The following NRXN3 variants were observed in gnomAD, a reference collection of about 807,000 sequenced individuals.
NRXN3 encodes the protein neurexin 3, also known as neurexin III.
NRXN3 carries 32 observed loss-of-function variants against 137.6 expected under a neutral mutation model. That is an observed-to-expected ratio of 0.23 (90% CI 0.18 to 0.31). The LOEUF (loss-of-function observed/expected upper bound fraction) is 0.31. Among genes scored for constraint, NRXN3 ranks in the 10% least tolerant of loss-of-function variants. The probability of loss-of-function intolerance (pLI) is 1.00; values close to 1 mark genes in which losing one functional copy is unlikely to be tolerated. For synonymous variants in NRXN3, 798 were observed against 784.5 expected, an observed-to-expected ratio of 1.02 and a Z score of -0.29; for missense variants, 1,574 against 2,062.5, an observed-to-expected ratio of 0.76 and a Z score of 4.59.
At position 79,643,947 on chromosome 14, in the gene NRXN3, C is replaced by T. The variant is rs777982425; in HGVS notation, c.3445-19831C>T. Among the ~76,000 whole-genome samples the T allele has an allele frequency of 5.5e-4, 74 of 135,764 alleles. 20 individuals carry two copies. The highest frequency in any genetic ancestry group is 2.2e-4 in the Non-Finnish European group (13 of 58,450). The allele number at this position is 135,764 out of a possible 152,430, so 89.1% of individuals were successfully genotyped here. ...TATGTCTTATCTACCCAATTGTAAACTTAATGAATACCCACACTGTATCCT... is the reference window on the plus strand; with the variant it reads ...TATGTCTTATCTACCCAATTGTAAATTTAATGAATACCCACACTGTATCCT... On this transcript the variant is annotated intron_variant, in intron 16 of 20. Coordinates refer to ENST00000335750, the MANE Select transcript of NRXN3 (RefSeq NM_001330195.2).
chr14:78,692,883 C>G (rs1349914307), intron 6 of NRXN3, among the ~76,000 whole-genome samples: 1 of 149,684 alleles, frequency 6.7e-6, no homozygotes, highest in Middle Eastern at 3.5e-3. Flanking sequence ...GAGTTCAAGA[C>G]GAGCCTGGCC....
At chr14:78,618,004 CCTAT>C (rs1322750438) in intron 4 of NRXN3, among the ~76,000 whole-genome samples, 5 of 151,752 alleles carry the variant, frequency 3.3e-5, no homozygotes, top group Admixed American at 6.6e-5. Context: ...TATCCATCCA[CCTAT>C]CTATCTATTT....
intron 17 of NRXN3, among the ~76,000 whole-genome samples, chr14:79,667,881 T>C (rs1193039403): frequency 6.6e-6 from 1 of 152,026 alleles, no homozygotes; most frequent in African/African-American, 2.4e-5. Flanking sequence ...CTGACTGGGT[T>C]TGTTCCATAT....
intron 1 of NRXN3, among the ~76,000 whole-genome samples, chr14:78,229,925 C>T (rs2153435454): frequency 6.6e-6 from 1 of 152,308 alleles, no homozygotes; most frequent in Middle Eastern, 3.4e-3. Context: ...GATGGGCTCA[C>T]TGGGTCACTG....
At chr14:78,349,748 T>C (rs17107429) in intron 4 of NRXN3, among the ~76,000 whole-genome samples, 9,770 of 152,278 alleles carry the variant, frequency 0.064, 403 homozygotes, top group African/African-American at 0.11. Context: ...ATAGGATAGC[T>C]GTTGTTACCA....
chr14:79,843,523 T>A (rs1465400871), intron 20 of NRXN3, among the ~76,000 whole-genome samples: 1 of 152,156 alleles, frequency 6.6e-6, no homozygotes, highest in Non-Finnish European at 1.5e-5. Context: ...TCACAAAAGA[T>A]TTCTCTGTAG....
At chr14:78,215,795 G>A (rs939900069) in intron 1 of NRXN3, among the ~76,000 whole-genome samples, 1 of 150,738 alleles carries the variant, frequency 6.6e-6, no homozygotes, top group Non-Finnish European at 1.5e-5. Flanking sequence ...GTTAGTTTGT[G>A]CACCTAGGTG....
intron 16 of NRXN3, among the ~76,000 whole-genome samples, chr14:79,513,797 A>G (rs912673310): frequency 6.6e-6 from 1 of 152,198 alleles, no homozygotes; most frequent in Admixed American, 6.5e-5. Context: ...TTGCCACCAC[A>G]TCATAGGACT....
chr14:78,892,774 CTGTG>C (rs58718552), intron 10 of NRXN3, among the ~76,000 whole-genome samples: 1,617 of 140,068 alleles, frequency 0.012, 18 homozygotes, highest in African/African-American at 0.027. Context: ...CCCCCATCTT[CTGTG>C]TGTGTGTGTG....
At chr14:78,851,448 T>TTAAA (rs1405403113) in intron 10 of NRXN3, among the ~76,000 whole-genome samples, 1 of 152,204 alleles carries the variant, frequency 6.6e-6, no homozygotes, top group Non-Finnish European at 1.5e-5. Flanking sequence ...TTAGAGAGTG[T>TTAAA]GGCCTAGATC....
intron 6 of NRXN3, among the ~76,000 whole-genome samples, chr14:78,675,872 T>C (rs1402396505): frequency 6.6e-6 from 1 of 152,160 alleles, no homozygotes; most frequent in Non-Finnish European, 1.5e-5. Flanking sequence ...GCTGACTTCA[T>C]GTCTCTGTGT....
chr14:78,952,791 T>C (rs1010040537), intron 10 of NRXN3, among the ~76,000 whole-genome samples: 7 of 152,160 alleles, frequency 4.6e-5, no homozygotes, highest in African/African-American at 1.4e-4. Flanking sequence ...ATTTACCTCT[T>C]TGAATAAATA....
chr14:79,045,222 T>C (rs576147607), intron 15 of NRXN3, among the ~76,000 whole-genome samples: 54 of 152,254 alleles, frequency 3.5e-4, no homozygotes, highest in Admixed American at 9.8e-4. Flanking sequence ...TTTCTGGCGC[T>C]ACCCACACCC....
At chr14:79,475,312 C>T (rs1467329097) in intron 16 of NRXN3, among the ~76,000 whole-genome samples, 1 of 152,058 alleles carries the variant, frequency 6.6e-6, no homozygotes, top group African/African-American at 2.4e-5. Context: ...GAAGGAAAGG[C>T]CAAATGGCTA....
At chr14:78,464,554 A>G (rs187407778) in intron 4 of NRXN3, among the ~76,000 whole-genome samples, 1 of 152,358 alleles carries the variant, frequency 6.6e-6, no homozygotes, top group East Asian at 1.9e-4. Context: ...CTCTCTCTTA[A>G]AGGAAAAGAG....
At chr14:78,648,056 A>T (rs985677968) in intron 5 of NRXN3, among the ~76,000 whole-genome samples, 8 of 152,194 alleles carry the variant, frequency 5.3e-5, no homozygotes, top group African/African-American at 1.7e-4. Context: ...TTCCTTCATG[A>T]TCATCTATTC....
chr14:78,268,673 T>C (rs1311535433), intron 2 of NRXN3, among the ~76,000 whole-genome samples: 2 of 152,172 alleles, frequency 1.3e-5, no homozygotes, highest in African/African-American at 4.8e-5. Flanking sequence ...CTGGCTATTA[T>C]TTATGAGATG....
At chr14:79,062,540 A>G (rs993777964) in intron 15 of NRXN3, among the ~76,000 whole-genome samples, 1 of 151,692 alleles carries the variant, frequency 6.6e-6, no homozygotes, top group African/African-American at 2.4e-5. Flanking sequence ...GCTGGGGCAA[A>G]AGCAGGGAGG....
intron 10 of NRXN3, among the ~76,000 whole-genome samples, chr14:78,911,387 A>G (rs2099237130): frequency 6.6e-6 from 1 of 152,156 alleles, no homozygotes; most frequent in African/African-American, 2.4e-5. Context: ...CTGTATCTAT[A>G]TACAAGTCAT....
Sources: gnomAD v4.1 joint callset for allele counts (sites outside exome capture counted in the v4.1 genomes callset) on GRCh38, gnomAD v4.1.1 for gene constraint, MANE v1.5 for transcripts, NCBI Gene and HGNC (gene_info 2026-07-23, HGNC 2026-07-21) for gene names.